The following ZNF609 variants were observed in gnomAD, a reference collection of about 807,000 sequenced individuals.
ZNF609 encodes the protein zinc finger protein 609.
ZNF609 carries 11 observed loss-of-function variants against 109.5 expected under a neutral mutation model. The observed-to-expected ratio is 0.10, with a 90% CI of 0.06 to 0.17. The LOEUF (loss-of-function observed/expected upper bound fraction) is 0.17. ZNF609 is among the 10% of genes least tolerant of loss of function. ZNF609 has a pLI of 1.00. For synonymous variants in ZNF609, 646 were observed against 662.0 expected (o/e 0.98, Z 0.37); for missense variants, 1,559 against 1,772.4 (o/e 0.88, Z 2.16).
At chr15:64,589,310 A>G (rs775394089) in intron 2 of ZNF609, among the ~76,000 whole-genome samples, 2 of 152,180 alleles carry the variant, frequency 1.3e-5, no homozygotes, top group African/African-American at 2.4e-5. Context: ...TAGTTCTGAG[A>G]TAAAGGTCAG....
chr15:64,620,583 G>A (rs977231337), intron 2 of ZNF609, among the ~76,000 whole-genome samples: 1 of 152,186 alleles, frequency 6.6e-6, no homozygotes, highest in Non-Finnish European at 1.5e-5. Context: ...AAATGTAGAT[G>A]ATTCATTATA....
intron 2 of ZNF609, among the ~76,000 whole-genome samples, chr15:64,554,379 C>T (rs1417903824): frequency 1.3e-5 from 2 of 152,164 alleles, no homozygotes; most frequent in Non-Finnish European, 2.9e-5. Flanking sequence ...CAGTGGCTCA[C>T]ACCTCTAATC....
chr15:64,638,020 T>A (rs28854499), intron 3 of ZNF609, among the ~76,000 whole-genome samples: 2 of 113,610 alleles, frequency 1.8e-5, no homozygotes, highest in African/African-American at 6.0e-5. Flanking sequence ...ATATATAAAA[T>A]ATATATAAAA....
At chr15:64,542,095 G>A (rs1894275318) in intron 2 of ZNF609, among the ~76,000 whole-genome samples, 1 of 152,010 alleles carries the variant, frequency 6.6e-6, no homozygotes. Context: ...ACCAGTCTGG[G>A]CAACATAGGG....
intron 1 of ZNF609, among the ~76,000 whole-genome samples, chr15:64,494,673 C>T (rs899029782): frequency 9.9e-5 from 15 of 151,900 alleles, no homozygotes; most frequent in African/African-American, 3.4e-4. Context: ...TACAGGCTCC[C>T]GCTACCATGC....
intron 3 of ZNF609, among the ~76,000 whole-genome samples, chr15:64,667,812 C>T (rs950056581): frequency 5.3e-5 from 8 of 152,002 alleles, no homozygotes; most frequent in Admixed American, 3.9e-4. Flanking sequence ...AAAGAGTAGT[C>T]GTGAGAGGTG....
chr15:64,519,957 A>G (rs1893867798), intron 2 of ZNF609, among the ~76,000 whole-genome samples: 1 of 152,234 alleles, frequency 6.6e-6, no homozygotes, highest in Admixed American at 6.5e-5. Flanking sequence ...AGGTTATAGT[A>G]TAATAGTTAC....
At chr15:64,485,866 T>C (rs1893325015) in intron 1 of ZNF609, among the ~76,000 whole-genome samples, 1 of 152,200 alleles carries the variant, frequency 6.6e-6, no homozygotes, top group Admixed American at 6.5e-5. Flanking sequence ...TGGTAACATC[T>C]TGCTAAAGTA....
chr15:64,585,621 A>G (rs752846177), intron 2 of ZNF609, among the ~76,000 whole-genome samples: 2 of 152,164 alleles, frequency 1.3e-5, no homozygotes, highest in African/African-American at 2.4e-5. Context: ...CTTAATCTCT[A>G]GACTAGTTTC....
chr15:64,555,027 C>G (rs949202465), intron 2 of ZNF609, among the ~76,000 whole-genome samples: 2 of 150,382 alleles, frequency 1.3e-5, no homozygotes, highest in Non-Finnish European at 3.0e-5. Flanking sequence ...ACCTGGGAGG[C>G]GGAGGTTACG....
chr15:64,638,266 G>A lies in ZNF609; in HGVS notation c.973+15214G>A, dbSNP rs137870554. 9.0e-3 allele frequency among the ~76,000 whole-genome samples: 1,356 copies of A among 151,010 alleles called. 8 individuals carry two copies. Among genetic ancestry groups the A allele is most frequent in the Middle Eastern group, 0.024 (7 of 294 alleles). On this transcript the variant is annotated intron_variant, in intron 3 of 9. Coordinates refer to ENST00000326648, the MANE Select transcript of ZNF609 (RefSeq NM_015042.2). ...TCTTCTGTTCCATTTATACATTTACGTATTCTTGTGTCAATACTACATTGT... is the reference window on the plus strand; with the variant it reads ...TCTTCTGTTCCATTTATACATTTACATATTCTTGTGTCAATACTACATTGT...
chr15:64,476,292 A>G (rs1005560391), intron 1 of ZNF609, among the ~76,000 whole-genome samples: 11 of 136,948 alleles, frequency 8.0e-5, no homozygotes, highest in African/African-American at 4.0e-4. Flanking sequence ...AAATAGACCA[A>G]AAAAAAAAAA....
chr15:64,591,863 C>T (rs994297260), intron 2 of ZNF609, among the ~76,000 whole-genome samples: 3 of 152,090 alleles, frequency 2.0e-5, no homozygotes, highest in Non-Finnish European at 4.4e-5. Context: ...CGGCACACAC[C>T]ACCACGCCCA....
chr15:64,610,481 T>C (rs148850457), intron 2 of ZNF609, among the ~76,000 whole-genome samples: 1 of 152,154 alleles, frequency 6.6e-6, no homozygotes, highest in East Asian at 1.9e-4. Context: ...AACTTAAAAG[T>C]TAACAACAAA....
At chr15:64,474,983 G>A (rs1394078494) in intron 1 of ZNF609, among the ~76,000 whole-genome samples, 5 of 151,450 alleles carry the variant, frequency 3.3e-5, no homozygotes, top group South Asian at 2.1e-4. Flanking sequence ...TTTAAGATAC[G>A]GGCTCTTGCT....
chr15:64,665,030 T>C (rs1377380357), intron 3 of ZNF609, among the ~76,000 whole-genome samples: 1 of 152,244 alleles, frequency 6.6e-6, no homozygotes, highest in Admixed American at 6.5e-5. Context: ...GATTATGCAG[T>C]AATCAGAGCA....
intron 2 of ZNF609, among the ~76,000 whole-genome samples, chr15:64,539,359 C>T (rs1473696957): frequency 2.0e-5 from 3 of 151,856 alleles, no homozygotes; most frequent in Non-Finnish European, 2.9e-5. Flanking sequence ...AGGCACCCGC[C>T]ACCACGCCCG....
intron 2 of ZNF609, among the ~76,000 whole-genome samples, chr15:64,539,614 C>T (rs146724639): frequency 1.3e-3 from 201 of 152,328 alleles, no homozygotes; most frequent in Admixed American, 3.9e-3. Flanking sequence ...AGCGATTCTC[C>T]TGCCTCAGCC....
chr15:64,577,139 A>AATATACATATATGTGT (rs1894991228), intron 2 of ZNF609, among the ~76,000 whole-genome samples: 3 of 28,242 alleles, frequency 1.1e-4, no homozygotes, highest in Non-Finnish European at 4.2e-4. Context: ...TATACACACA[A>AATATACATATATGTGT]ATATATACAT....
Sources: allele counts gnomAD v4.1 joint callset (sites outside exome capture counted in the v4.1 genomes callset), GRCh38; gene constraint gnomAD v4.1.1; transcripts MANE v1.5; gene names NCBI Gene and HGNC (gene_info 2026-07-23, HGNC 2026-07-21).